SPTLC1: variants seen among roughly 807,000 people sequenced by gnomAD.
SPTLC1 encodes serine palmitoyltransferase long chain base subunit 1.
A neutral mutation model predicts 68.9 loss-of-function variants in SPTLC1; 55 were observed. The ratio of observed to expected loss-of-function variants is 0.80; its 90% CI spans 0.64 to 1.00. SPTLC1 has a LOEUF of 1.00. SPTLC1 is among the 50% of genes least tolerant of loss of function. The pLI is 0.00. For synonymous variants in SPTLC1, 197 were observed against 201.6 expected (o/e 0.98, Z 0.19); for missense variants, 449 against 573.1 (o/e 0.78, Z 2.21).
intron 1 of SPTLC1, among the ~76,000 whole-genome samples, chr9:92,114,534 G>C (rs958696940): frequency 6.6e-6 from 1 of 152,030 alleles, no homozygotes; most frequent in African/African-American, 2.4e-5. Flanking sequence ...TCGGGAGTTC[G>C]AGACCAGCCT....
intron 3 of SPTLC1, among the ~76,000 whole-genome samples, chr9:92,084,547 T>C (rs77868689): frequency 0.033 from 4,961 of 152,256 alleles, 122 homozygotes; most frequent in Non-Finnish European, 0.049. Flanking sequence ...TTACATTTAT[T>C]GATTTGCATA....
At chr9:92,064,005 A>G (rs2118572387) in intron 6 of SPTLC1, among the ~76,000 whole-genome samples, 1 of 152,320 alleles carries the variant, frequency 6.6e-6, no homozygotes, top group South Asian at 2.1e-4. Flanking sequence ...TGCCAGTGCA[A>G]TAAGGCAATA....
chr9:92,087,443 G>A (rs1156624646), intron 3 of SPTLC1, among the ~76,000 whole-genome samples: 2 of 152,124 alleles, frequency 1.3e-5, no homozygotes, highest in East Asian at 1.9e-4. Context: ...CTTTCTGTTT[G>A]TTAGTTTTCC....
At chr9:92,109,269 T>C (rs1836133683) in intron 2 of SPTLC1, 1 of 193,422 alleles carries the variant, frequency 5.2e-6, no homozygotes, top group Non-Finnish European at 1.1e-5. Flanking sequence ...ATGCTCCTAT[T>C]ATCTCAGAAG....
chr9:92,059,642 T>G (rs1022811257), intron 6 of SPTLC1, among the ~76,000 whole-genome samples: 3 of 152,228 alleles, frequency 2.0e-5, no homozygotes. Context: ...TGCCTCACCA[T>G]CAGTGGCATC....
intron 1 of SPTLC1, among the ~76,000 whole-genome samples, chr9:92,113,016 A>C (rs1168972257): frequency 1.3e-5 from 2 of 152,096 alleles, no homozygotes; most frequent in African/African-American, 4.8e-5. Flanking sequence ...CTGAGGCAGG[A>C]GAATCGCTTG....
chr9:92,036,369 C>T lies in SPTLC1; in HGVS notation c.1255-1486G>A, dbSNP rs183016508. ...TTAACACCGAGTTGCTTCATTCGCA[C>T]GTCCTCCTCTGCGTCTCTTTGGTAC... On this transcript the variant is annotated intron_variant, in intron 13 of 14. Coordinates refer to ENST00000262554, the MANE Select transcript of SPTLC1 (RefSeq NM_006415.4). Among the ~76,000 whole-genome samples, 401 of 152,320 alleles carry T rather than the reference C, an allele frequency of 2.6e-3. 1 individual carries two copies. The highest frequency in any genetic ancestry group is 5.0e-3 in the Admixed American group (76 of 15,298).
At chr9:92,061,581 A>C (rs1240191644) in intron 6 of SPTLC1, among the ~76,000 whole-genome samples, 1 of 152,258 alleles carries the variant, frequency 6.6e-6, no homozygotes, top group East Asian at 1.9e-4. Flanking sequence ...AGTAAGTAAA[A>C]AATATGGGCA....
chr9:92,078,903 T>C (rs1157660823), intron 5 of SPTLC1, among the ~76,000 whole-genome samples: 9 of 152,018 alleles, frequency 5.9e-5, no homozygotes, highest in Non-Finnish European at 1.5e-5. Flanking sequence ...TCCCTTACAT[T>C]AAAAAATCAC....
At chr9:92,087,219 G>A (rs1401142760) in intron 3 of SPTLC1, among the ~76,000 whole-genome samples, 7 of 150,880 alleles carry the variant, frequency 4.6e-5, no homozygotes, top group African/African-American at 7.3e-5. Context: ...TAGTTTGATC[G>A]TCTGAAGCCT....
At chr9:92,071,919 T>A (rs1834507167) in intron 5 of SPTLC1, among the ~76,000 whole-genome samples, 1 of 152,228 alleles carries the variant, frequency 6.6e-6, no homozygotes, top group African/African-American at 2.4e-5. Context: ...TGTGATAATG[T>A]ACCTTGTGAC....
chr9:92,112,156 C>T (rs1836273961), intron 2 of SPTLC1, among the ~76,000 whole-genome samples: 1 of 152,172 alleles, frequency 6.6e-6, no homozygotes, highest in Admixed American at 6.5e-5. Flanking sequence ...ACTCACACAA[C>T]ACTTATGAAT....
At chr9:92,114,309 T>C (rs1836354623) in intron 1 of SPTLC1, among the ~76,000 whole-genome samples, 1 of 152,156 alleles carries the variant, frequency 6.6e-6, no homozygotes, top group Non-Finnish European at 1.5e-5. Context: ...CAGTGCCCAA[T>C]GAATAGCTCT....
intron 13 of SPTLC1, among the ~76,000 whole-genome samples, chr9:92,037,814 C>T (rs1207041468): frequency 6.6e-6 from 1 of 152,220 alleles, no homozygotes; most frequent in East Asian, 1.9e-4. Flanking sequence ...TGTGAGTGGA[C>T]TGTCCCTGAG....
intron 3 of SPTLC1, among the ~76,000 whole-genome samples, chr9:92,081,215 G>C (rs1834873578): frequency 1.3e-5 from 2 of 152,150 alleles, no homozygotes; most frequent in African/African-American, 2.4e-5. Context: ...AGAATTCCAA[G>C]ATGAATGAAT....
intron 8 of SPTLC1, 41 bp downstream of exon 8, chr9:92,055,364 T>C (rs1488185004): frequency 3.1e-6 from 5 of 1,612,476 alleles, no homozygotes; most frequent in South Asian, 1.1e-5. Flanking sequence ...ATCTGTCAAA[T>C]AGTCCAAATA....
At chr9:92,115,113 C>G in intron 1 of SPTLC1, 71 of 511,258 alleles carry the variant, frequency 1.4e-4, no homozygotes, top group East Asian at 4.7e-4. Context: ...GACCCTCAGT[C>G]CCAGCCCCCG....
At chr9:92,096,895 G>C (rs1227948257) in intron 3 of SPTLC1, among the ~76,000 whole-genome samples, 1 of 149,694 alleles carries the variant, frequency 6.7e-6, no homozygotes, top group Non-Finnish European at 1.5e-5. Context: ...AAATCCCACA[G>C]AATGAAAAAA....
chr9:92,035,505 A>T (rs908644932), intron 13 of SPTLC1, among the ~76,000 whole-genome samples: 1 of 152,226 alleles, frequency 6.6e-6, no homozygotes, highest in Non-Finnish European at 1.5e-5. Flanking sequence ...AAGAAAGCAC[A>T]AACACCAGAG....
Sources: allele counts gnomAD v4.1 joint callset (sites outside exome capture counted in the v4.1 genomes callset), GRCh38; gene constraint gnomAD v4.1.1; transcripts MANE v1.5; gene names NCBI Gene and HGNC (gene_info 2026-07-23, HGNC 2026-07-21).